SPATA13: variants seen among roughly 807,000 people sequenced by gnomAD.
The protein encoded by SPATA13 is spermatogenesis-associated protein 13.
SPATA13 carries 50 observed loss-of-function variants against 104.0 expected under a neutral mutation model. That is an observed-to-expected ratio of 0.48 (90% CI 0.38 to 0.61). SPATA13 has a LOEUF of 0.61. Ranked by LOEUF, SPATA13 falls within the 20% of genes least tolerant of loss-of-function variation. SPATA13 has a pLI of 0.00. For missense variants in SPATA13, 1,524 were observed against 1,690.6 expected (o/e 0.90, Z 1.73); for synonymous variants, 606 against 667.5 (o/e 0.91, Z 1.42).
chr13:24,230,950 C>A (rs1872234294), intron 2 of SPATA13, among the ~76,000 whole-genome samples: 1 of 152,124 alleles, frequency 6.6e-6, no homozygotes, highest in Admixed American at 6.5e-5. Context: ...GTAGAGAGGT[C>A]TAATTTGCAT....
chr13:24,004,262 AT>A lies in SPATA13; in HGVS notation c.-146-13404del, dbSNP rs1876115377. Reference sequence around the variant, plus strand: ...AGATACACAATTTTGCTCTGCAGTCATCAGTCAATAAAGAGTCAGGAGTGAA... The same window carrying A: ...AGATACACAATTTTGCTCTGCAGTCACAGTCAATAAAGAGTCAGGAGTGAA... On this transcript the variant is annotated intron_variant, in intron 2 of 14. Transcript: ENST00000424834. Among the ~76,000 whole-genome samples the A allele has an allele frequency of 2.6e-5, 4 of 152,244 alleles. 1 individual carries two copies. The South Asian group carries it at 8.3e-4, about 32-fold the overall frequency.
At position 24,306,188 on chromosome 13, in the gene SPATA13, G is replaced by A. The variant is rs1016599150; in HGVS notation, c.*3415G>A. On this transcript the variant is annotated 3_prime_UTR_variant, in exon 13 of 13. Transcript: ENST00000382108. Reference sequence around the variant, plus strand: ...TACATGACTGTTATCTAGACATAAAGCAAAGTGCATTTAATTCAAAATTTG... The same window carrying A: ...TACATGACTGTTATCTAGACATAAAACAAAGTGCATTTAATTCAAAATTTG... The A allele has an allele frequency of 4.6e-5, 7 of 152,158 alleles. No individual in the cohort carries two copies. The highest frequency in any genetic ancestry group is 1.7e-4 in the African/African-American group (7 of 41,416). 9.4% of individuals were successfully genotyped at this position (152,158 alleles called of 1,614,324 possible). A position where few individuals can be genotyped will look rare whatever the true frequency, so the allele number is the denominator to read the frequency against.
chr13:24,078,014 A>G (rs2137774324), intron 3 of SPATA13, among the ~76,000 whole-genome samples: 1 of 152,006 alleles, frequency 6.6e-6, no homozygotes, highest in South Asian at 2.1e-4. Flanking sequence ...TGCTCACCCC[A>G]CACTAACTTT....
At chr13:24,172,503 G>C (rs1883015722) in intron 1 of SPATA13, among the ~76,000 whole-genome samples, 1 of 152,130 alleles carries the variant, frequency 6.6e-6, no homozygotes, top group South Asian at 2.1e-4. Flanking sequence ...TTACAGTTAA[G>C]TCCATGATCC....
chr13:24,065,892 G>A (rs1878943442), intron 3 of SPATA13, among the ~76,000 whole-genome samples: 1 of 152,174 alleles, frequency 6.6e-6, no homozygotes, highest in Non-Finnish European at 1.5e-5. Context: ...TCTCAGCTCT[G>A]CCACTTAACA....
intron 5 of SPATA13, among the ~76,000 whole-genome samples, chr13:24,285,927 C>T (rs903999232): frequency 3.3e-5 from 5 of 152,118 alleles, no homozygotes; most frequent in Admixed American, 2.0e-4. Context: ...GTGATCCACC[C>T]GCCTTGGCCT....
At chr13:24,129,050 C>T (rs1308249040) in intron 3 of SPATA13, among the ~76,000 whole-genome samples, 2 of 152,228 alleles carry the variant, frequency 1.3e-5, no homozygotes, top group East Asian at 1.9e-4. Context: ...CCTGTGGCAC[C>T]GCACCATCTG....
At chr13:24,147,389 T>A (rs1038587322) in intron 3 of SPATA13, among the ~76,000 whole-genome samples, 1 of 152,256 alleles carries the variant, frequency 6.6e-6, no homozygotes, top group Non-Finnish European at 1.5e-5. Context: ...GTCACCATCA[T>A]GTGAAAGTTG....
intron 3 of SPATA13, among the ~76,000 whole-genome samples, chr13:24,129,343 A>T (rs1219422600): frequency 6.6e-6 from 1 of 152,260 alleles, no homozygotes; most frequent in East Asian, 1.9e-4. Context: ...CCCATGCTCA[A>T]TTATTTTTAA....
intron 4 of SPATA13, among the ~76,000 whole-genome samples, chr13:24,281,658 C>A (rs1297583945): frequency 1.3e-5 from 2 of 152,144 alleles, no homozygotes; most frequent in Non-Finnish European, 2.9e-5. Context: ...GAGGGGCACC[C>A]CAGGCAGAGG....
Position 24,067,143 on chromosome 13 carries a change from A to G in SPATA13, c.-112+49442A>G, listed in dbSNP as rs1878992831. Among the ~76,000 whole-genome samples the G allele has an allele frequency of 3.3e-5, 5 of 152,170 alleles. No homozygotes were observed. In the South Asian group the frequency reaches 1.0e-3, roughly 32 times the overall value. ...TGCCCCACACCCCACCAAGCTGCAT[A>G]GACTTCTCAGCCCAGGCACTGCTGC... On this transcript the variant is annotated intron_variant, in intron 3 of 14. Transcript: ENST00000424834.
intron 1 of SPATA13, among the ~76,000 whole-genome samples, chr13:24,172,094 T>C (rs1386806796): frequency 6.6e-6 from 1 of 152,164 alleles, no homozygotes; most frequent in Admixed American, 6.6e-5. Context: ...TGCTTGTCCA[T>C]GCACACTCAC....
intron 4 of SPATA13, among the ~76,000 whole-genome samples, chr13:24,275,934 T>C (rs60133037): frequency 0.12 from 17,574 of 152,116 alleles, 1,815 homozygotes; most frequent in African/African-American, 0.27. Flanking sequence ...ACCTTGTCCC[T>C]CACCCCTCCC....
chr13:24,173,815 G>C (rs1312601538), intron 1 of SPATA13, among the ~76,000 whole-genome samples: 2 of 152,098 alleles, frequency 1.3e-5, no homozygotes, highest in Admixed American at 6.5e-5. Flanking sequence ...AAACCCAAAT[G>C]GAATGAAGCC....
chr13:24,160,643 G>A (rs916137631), upstream of SPATA13: 2 of 881,986 alleles, frequency 2.3e-6, no homozygotes, highest in African/African-American at 1.8e-5. Flanking sequence ...CGGGGGCGTG[G>A]CCTGATATGG....
At chr13:24,008,265 C>G (rs759363929) in intron 2 of SPATA13, among the ~76,000 whole-genome samples, 8 of 152,218 alleles carry the variant, frequency 5.3e-5, no homozygotes, top group Non-Finnish European at 8.8e-5. Context: ...GAAAATGCAC[C>G]TGAATTCACT....
intron 3 of SPATA13, among the ~76,000 whole-genome samples, chr13:24,035,675 G>A (rs1015505121): frequency 1.3e-5 from 2 of 152,142 alleles, no homozygotes; most frequent in African/African-American, 2.4e-5. Flanking sequence ...TAAAGCAATG[G>A]TTCTCTTCAA....
rs10523910 is a variant in SPATA13, at chr13:24,295,670, A to ACT, written c.3210+831_3210+832dup. ...TGTAATAATGGTCCAACAAATTCTC[A>ACT]CTCTCTCTCTCTCTCTCTCTCTCTC... On this transcript the variant is annotated intron_variant, in intron 10 of 12. Coordinates refer to ENST00000382108, the MANE Select transcript of SPATA13 (RefSeq NM_001166271.3). Among the ~76,000 whole-genome samples the ACT allele has an allele frequency of 1.1e-3, 157 of 148,038 alleles. 1 individual carries two copies. The highest frequency in any genetic ancestry group is 1.9e-3 in the Non-Finnish European group (126 of 66,870).
At chr13:23,981,514 G>A (rs1277825488) in intron 1 of SPATA13, among the ~76,000 whole-genome samples, 3 of 152,204 alleles carry the variant, frequency 2.0e-5, no homozygotes. Context: ...GGAAATGCTA[G>A]GAAGCAGTTG....
Sources: allele counts gnomAD v4.1 joint callset (sites outside exome capture counted in the v4.1 genomes callset), GRCh38; gene constraint gnomAD v4.1.1; transcripts MANE v1.5; gene names NCBI Gene and HGNC (gene_info 2026-07-23, HGNC 2026-07-21).